Variants in LRP1B observed in about 807,000 individuals in gnomAD.
The protein encoded by LRP1B is LDL receptor related protein 1B.
A neutral mutation model predicts 556.6 loss-of-function variants in LRP1B; 217 were observed. The observed-to-expected ratio is 0.39, with a 90% CI of 0.35 to 0.44. The LOEUF (loss-of-function observed/expected upper bound fraction) is 0.44. LRP1B is among the 20% of genes least tolerant of loss of function. The probability of loss-of-function intolerance (pLI) is 1.00; values close to 1 mark genes in which losing one functional copy is unlikely to be tolerated. For missense variants in LRP1B, 5,053 were observed against 5,620.8 expected, an observed-to-expected ratio of 0.90 and a Z score of 3.23; for synonymous variants, 2,047 against 1,865.8, an observed-to-expected ratio of 1.10 and a Z score of -2.50.
chr2:140,489,775 T>C (rs1320176029), intron 57 of LRP1B, among the ~76,000 whole-genome samples: 2 of 152,050 alleles, frequency 1.3e-5, no homozygotes, highest in Non-Finnish European at 2.9e-5. Context: ...GAGAGAAACA[T>C]GTCTCTAACT....
chr2:141,841,099 G>T (rs978815373), intron 1 of LRP1B, among the ~76,000 whole-genome samples: 1 of 152,090 alleles, frequency 6.6e-6, no homozygotes, highest in Non-Finnish European at 1.5e-5. Flanking sequence ...GTTAATGTAG[G>T]TTTGTTAAAA....
intron 5 of LRP1B, among the ~76,000 whole-genome samples, chr2:141,243,139 A>T (rs1280587246): frequency 3.2e-5 from 3 of 94,694 alleles, no homozygotes; most frequent in African/African-American, 6.1e-5. Flanking sequence ...ATTTATTATT[A>T]TTTTTATTTT....
At chr2:141,706,544 C>T (rs770209647) in intron 2 of LRP1B, among the ~76,000 whole-genome samples, 5 of 152,066 alleles carry the variant, frequency 3.3e-5, no homozygotes, top group South Asian at 2.1e-4. Flanking sequence ...CTTCCAAGTC[C>T]TCTGGCAGAC....
intron 20 of LRP1B, among the ~76,000 whole-genome samples, chr2:140,943,979 G>T (rs1695472823): frequency 6.6e-6 from 1 of 151,876 alleles, no homozygotes; most frequent in African/African-American, 2.4e-5. Context: ...ATCAGTGAAA[G>T]GAAATGTTGG....
At chr2:141,573,635 C>CA (rs56779099) in intron 2 of LRP1B, among the ~76,000 whole-genome samples, 4,953 of 115,338 alleles carry the variant, frequency 0.043, 150 homozygotes, top group African/African-American at 0.1. Flanking sequence ...AAAAACCCTC[C>CA]AAAAAAAAAA....
intron 86 of LRP1B, among the ~76,000 whole-genome samples, chr2:140,256,055 A>T (rs1681661615): frequency 6.6e-6 from 1 of 152,182 alleles, no homozygotes; most frequent in African/African-American, 2.4e-5. Flanking sequence ...TGCTTGATGG[A>T]TACTTTAATG....
chr2:140,583,169 TTC>T (rs528297414), intron 43 of LRP1B, among the ~76,000 whole-genome samples: 18,110 of 67,734 alleles, frequency 0.27, 2,113 homozygotes, highest in Non-Finnish European at 0.3. Flanking sequence ...CTCCTTTTTT[TTC>T]TTTTTTTTTT....
intron 24 of LRP1B, among the ~76,000 whole-genome samples, chr2:140,884,991 G>C (rs939354694): frequency 2.0e-5 from 3 of 152,178 alleles, no homozygotes; most frequent in African/African-American, 7.2e-5. Context: ...GGGGTTACAA[G>C]CATGAGCCAC....
At chr2:141,082,753 C>A (rs6429861) in intron 7 of LRP1B, among the ~76,000 whole-genome samples, 129,009 of 152,172 alleles carry the variant, frequency 0.85, 55,041 homozygotes, top group Non-Finnish European at 0.89. Context: ...GAAATGCAAT[C>A]CAATGTTTGT....
At chr2:142,008,960 AC>A (rs1254612223) in intron 1 of LRP1B, among the ~76,000 whole-genome samples, 3 of 152,136 alleles carry the variant, frequency 2.0e-5, no homozygotes, top group Non-Finnish European at 2.9e-5. Flanking sequence ...ACCACCCAGA[AC>A]CCTGTTAGGT....
At chr2:140,740,521 A>G (rs1017562966) in intron 35 of LRP1B, among the ~76,000 whole-genome samples, 1 of 152,156 alleles carries the variant, frequency 6.6e-6, no homozygotes, top group Non-Finnish European at 1.5e-5. Flanking sequence ...AGGATGGGAC[A>G]TGGGCGAGGG....
chr2:141,059,824 A>G (rs1181324973), intron 8 of LRP1B, among the ~76,000 whole-genome samples: 1 of 151,778 alleles, frequency 6.6e-6, no homozygotes, highest in Non-Finnish European at 1.5e-5. Context: ...GAGCAAAAAG[A>G]AGAATACATG....
chr2:141,539,801 T>G (rs1354820190), intron 2 of LRP1B, among the ~76,000 whole-genome samples: 1 of 152,186 alleles, frequency 6.6e-6, no homozygotes. Flanking sequence ...TTGTGAATAA[T>G]AAAATCTAAA....
intron 60 of LRP1B, among the ~76,000 whole-genome samples, chr2:140,474,058 C>A (rs187876309): frequency 2.5e-4 from 38 of 151,998 alleles, no homozygotes; most frequent in Non-Finnish European, 4.6e-4. Flanking sequence ...AGTGACTCAT[C>A]CAACTACACT....
intron 7 of LRP1B, among the ~76,000 whole-genome samples, chr2:141,182,969 G>C (rs1681070304): frequency 6.6e-6 from 1 of 151,756 alleles, no homozygotes; most frequent in Non-Finnish European, 1.5e-5. Flanking sequence ...TCCAAGATGG[G>C]TATATTTATG....
At chr2:141,334,142 A>G (rs952312879) in intron 3 of LRP1B, among the ~76,000 whole-genome samples, 1 of 152,232 alleles carries the variant, frequency 6.6e-6, no homozygotes, top group African/African-American at 2.4e-5. Context: ...ATGAACATAC[A>G]TGATTACTGA....
rs72985402 is a variant in LRP1B at position 141,785,741 on chromosome 2, T to C, written c.205+24538A>G. On this transcript the variant is annotated intron_variant, in intron 2 of 90. Coordinates refer to ENST00000389484, the MANE Select transcript of LRP1B (RefSeq NM_018557.3). ...ATATAGTTCTTTCTATTCTTGGAAC[T>C]GATAGAGTCCAAGGTCCATATATGA... 7.3e-3 allele frequency among the ~76,000 whole-genome samples: 1,109 copies of C among 151,452 alleles called. 17 individuals are homozygous for C. The highest frequency in any genetic ancestry group is 0.025 in the African/African-American group (1,025 of 41,324).
At position 140,923,058 on chromosome 2, in the gene LRP1B, C is replaced by T. The variant is rs766827697; in HGVS notation, c.3226G>A (p.Glu1076Lys). The change falls in exon 21 of 91, where the codon GAA becomes AAA. Residue 1076 changes from glutamate to lysine, a missense_variant. Physicochemically the swap from Glu to Lys is moderately conservative, Grantham distance 56. This residue lies in a region of LRP1B where 3,619 missense variants were observed against 3,931.9 expected (regional missense o/e 0.92). Transcript: ENST00000389484. Reference sequence around the variant, plus strand: ...TCACTACCATCTTCACAGTCTTTTTCTCCATCACAGCGCCACAAATCAGGA... The same window carrying T: ...TCACTACCATCTTCACAGTCTTTTTTTCCATCACAGCGCCACAAATCAGGA... ...CVPDLWRCDG[E>K]KDCEDGSDEK... 4.3e-6 allele frequency: 7 copies of T among 1,613,204 alleles called. No homozygotes were observed. The highest frequency in any genetic ancestry group is 5.9e-6 in the Non-Finnish European group (7 of 1,179,446).
intron 50 of LRP1B, among the ~76,000 whole-genome samples, chr2:140,515,293 T>G (rs1689844833): frequency 6.6e-6 from 1 of 152,038 alleles, no homozygotes; most frequent in Non-Finnish European, 1.5e-5. Flanking sequence ...ACTGTGCTGA[T>G]GTTTTTGTGT....
Sources: allele counts gnomAD v4.1 joint callset (sites outside exome capture counted in the v4.1 genomes callset), GRCh38; gene constraint gnomAD v4.1.1; regional missense constraint gnomAD v4.1.1; transcripts MANE v1.5; gene names NCBI Gene and HGNC (gene_info 2026-07-23, HGNC 2026-07-21).